TRAK1: variants seen among roughly 807,000 people sequenced by gnomAD.
The protein encoded by TRAK1 is trafficking kinesin protein 1.
Under a neutral mutation model 92.1 loss-of-function variants are expected in TRAK1, and 33 were observed. The observed-to-expected ratio is 0.36, with a 90% CI of 0.27 to 0.48. TRAK1 has a LOEUF of 0.48. Among genes scored for constraint, TRAK1 ranks in the 20% least tolerant of loss-of-function variants. TRAK1 has a pLI of 0.99. For missense variants in TRAK1, 1,123 were observed against 1,257.9 expected, an observed-to-expected ratio of 0.89 and a Z score of 1.62; for synonymous variants, 521 against 517.3, an observed-to-expected ratio of 1.01 and a Z score of -0.10.
At chr3:42,191,802 T>C (rs530060262) in intron 7 of TRAK1, among the ~76,000 whole-genome samples, 166 bp downstream of exon 7, 115 of 152,296 alleles carry the variant, frequency 7.6e-4, no homozygotes, top group African/African-American at 2.5e-3. Flanking sequence ...CCCTCTCTAT[T>C]ATTTAGTGCT....
intron 2 of TRAK1, among the ~76,000 whole-genome samples, chr3:42,139,881 C>T (rs1311143438): frequency 3.9e-5 from 6 of 152,088 alleles, no homozygotes; most frequent in African/African-American, 1.4e-4. Context: ...GAATGGAATA[C>T]GGGGCCGTTT....
chr3:42,213,320 G>T (rs1709304721), intron 14 of TRAK1, among the ~76,000 whole-genome samples: 1 of 152,184 alleles, frequency 6.6e-6, no homozygotes, highest in Non-Finnish European at 1.5e-5. Context: ...ACCTCCCAAA[G>T]TGCTGGGATT....
chr3:42,132,055 C>T (rs144839634), intron 2 of TRAK1, among the ~76,000 whole-genome samples: 3 of 151,912 alleles, frequency 2.0e-5, no homozygotes, highest in African/African-American at 2.4e-5. Context: ...GGCAACAGAG[C>T]GAGACTCTGC....
At chr3:42,207,150 T>A (rs1708424904) in intron 13 of TRAK1, among the ~76,000 whole-genome samples, 1 of 152,316 alleles carries the variant, frequency 6.6e-6, no homozygotes, top group South Asian at 2.1e-4. Flanking sequence ...TTTCTCATCA[T>A]CCTTCTCAGA....
intron 1 of TRAK1, among the ~76,000 whole-genome samples, chr3:42,097,965 A>G (rs1157586146): frequency 1.3e-5 from 2 of 152,078 alleles, no homozygotes; most frequent in African/African-American, 4.8e-5. Flanking sequence ...TGATGTTTCT[A>G]TTTCCGGAGG....
At chr3:42,093,579 G>A (rs1705403504) in intron 1 of TRAK1, among the ~76,000 whole-genome samples, 1 of 148,582 alleles carries the variant, frequency 6.7e-6, no homozygotes, top group East Asian at 2.0e-4. Flanking sequence ...TTTTAGTTCT[G>A]CACTTGAAAC....
chr3:42,070,173 T>C (rs1703858345), intron 1 of TRAK1, among the ~76,000 whole-genome samples: 1 of 151,378 alleles, frequency 6.6e-6, no homozygotes, highest in Admixed American at 6.6e-5. Flanking sequence ...TGATTCATGT[T>C]CCTGGGTGTG....
chr3:42,121,352 G>A (rs1490723393), intron 1 of TRAK1, among the ~76,000 whole-genome samples: 1 of 149,404 alleles, frequency 6.7e-6, no homozygotes, highest in Non-Finnish European at 1.5e-5. Flanking sequence ...CTCCGCCTCC[G>A]GGGTTCACAC....
At chr3:42,051,639 T>C (rs1702986972) in intron 1 of TRAK1, 1 of 152,254 alleles carries the variant, frequency 6.6e-6, no homozygotes, top group African/African-American at 2.4e-5. Flanking sequence ...TTTCTCCATA[T>C]GGACCAGCTT....
intron 1 of TRAK1, among the ~76,000 whole-genome samples, chr3:42,028,154 G>A (rs60344173): frequency 0.023 from 3,473 of 152,266 alleles, 121 homozygotes; most frequent in African/African-American, 0.078. Context: ...CCCGGCCACA[G>A]CCTCTGTTCT....
rs1453679972 is a variant in TRAK1 at position 42,224,050 on chromosome 3, TC to T, written c.*315del. 1 of 533,074 alleles carries T rather than the reference TC, an allele frequency of 1.9e-6. No individual in the cohort carries two copies. The highest frequency in any genetic ancestry group is 2.2e-5 in the Admixed American group (1 of 44,486). 33.0% of individuals were successfully genotyped at this position (533,074 alleles called of 1,614,324 possible). On this transcript the variant is annotated 3_prime_UTR_variant, in exon 16 of 16. Transcript: ENST00000327628. ...GGGGAAGGTGGGGTCCTTTCTTCTT[TC>T]CTTTTGAGAAGCACTGAAACTCCCA... is the stretch of plus-strand genomic sequence containing the variant.
chr3:42,125,138 TAACTC>T (rs1489607782), intron 1 of TRAK1, among the ~76,000 whole-genome samples: 1 of 152,168 alleles, frequency 6.6e-6, no homozygotes, highest in Non-Finnish European at 1.5e-5. Flanking sequence ...AGGAAAGACT[TAACTC>T]AGATGATAAA....
In TRAK1 at chr3:42,154,907, G is replaced by T. The variant is rs1429425963; in HGVS notation, c.287-21907G>T. On this transcript the variant is annotated intron_variant, in intron 2 of 15. Transcript: ENST00000327628. The stretch of plus-strand genomic sequence containing the variant: ...CCTGAAGGAGATGGGGAGCAGTGCT[G>T]AACCAGACCTTGAAAGATAGGAGGA... 2.6e-5 allele frequency among the ~76,000 whole-genome samples: 4 copies of T among 152,068 alleles called. No individual in the cohort carries two copies. In the East Asian group the frequency reaches 5.8e-4, roughly 22 times the overall value.
At chr3:42,111,879 A>G (rs1394057141) in intron 1 of TRAK1, among the ~76,000 whole-genome samples, 3 of 151,418 alleles carry the variant, frequency 2.0e-5, no homozygotes, top group Non-Finnish European at 4.4e-5. Context: ...GAAATTTGCC[A>G]ACACTTGTTT....
chr3:42,141,123 G>T (rs1576580452), intron 2 of TRAK1, among the ~76,000 whole-genome samples: 1 of 152,094 alleles, frequency 6.6e-6, no homozygotes, highest in African/African-American at 2.4e-5. Flanking sequence ...TCAATTGTTA[G>T]TGTTCATTCA....
rs139960366 is a variant in TRAK1, at chr3:42,108,299, G to A, written c.91+16739G>A. 6.3e-3 allele frequency among the ~76,000 whole-genome samples: 955 copies of A among 151,988 alleles called. 8 individuals carry two copies. Among genetic ancestry groups the A allele is most frequent in the African/African-American group, 0.022 (901 of 41,454 alleles). Reference sequence around the variant, plus strand: ...TGAGCTAGGAGTTCAAGACCAGCCTGGGCAACATGGGGAAACCCCATCTTT... The same window carrying A: ...TGAGCTAGGAGTTCAAGACCAGCCTAGGCAACATGGGGAAACCCCATCTTT... On this transcript the variant is annotated intron_variant, in intron 1 of 15. Coordinates refer to ENST00000327628, the MANE Select transcript of TRAK1 (RefSeq NM_001042646.3).
At chr3:42,100,564 G>T (rs1283886472) in intron 1 of TRAK1, among the ~76,000 whole-genome samples, 1 of 152,200 alleles carries the variant, frequency 6.6e-6, no homozygotes, top group Non-Finnish European at 1.5e-5. Context: ...GTGTGGCCAT[G>T]TTTTTCTTGT....
At position 42,171,788 on chromosome 3, in the gene TRAK1, G is replaced by A. The variant is rs529386354; in HGVS notation, c.287-5026G>A. Among the ~76,000 whole-genome samples the A allele has an allele frequency of 5.9e-5, 9 of 152,282 alleles. No homozygotes were observed. In the South Asian group the frequency reaches 1.7e-3, roughly 28 times the overall value. On this transcript the variant is annotated intron_variant, in intron 2 of 15. Coordinates refer to ENST00000327628, the MANE Select transcript of TRAK1 (RefSeq NM_001042646.3). Reference sequence around the variant, plus strand: ...TGGCATCAGGCAGGGGCATGTTTCTGTTCTCTTCTGGGCCTGCACACCGTA... The same window carrying A: ...TGGCATCAGGCAGGGGCATGTTTCTATTCTCTTCTGGGCCTGCACACCGTA...
intron 1 of TRAK1, among the ~76,000 whole-genome samples, chr3:42,053,375 T>TGGGG (rs760432112): frequency 2.0e-5 from 1 of 50,622 alleles, no homozygotes; most frequent in African/African-American, 5.3e-5. Context: ...CAGAGTCGGG[T>TGGGG]GGGGGGGGGG....
Sources: gnomAD v4.1 joint callset for allele counts (sites outside exome capture counted in the v4.1 genomes callset) on GRCh38, gnomAD v4.1.1 for gene constraint, MANE v1.5 for transcripts, NCBI Gene and HGNC (gene_info 2026-07-23, HGNC 2026-07-21) for gene names.